The following SMOC1 variants were observed in gnomAD, a reference collection of about 807,000 sequenced individuals.
SMOC1 encodes the protein SPARC related modular calcium binding 1, also known as SPARC-related modular calcium-binding protein 1.
A neutral mutation model predicts 56.3 loss-of-function variants in SMOC1; 22 were observed. That is an observed-to-expected ratio of 0.39 (90% CI 0.28 to 0.56). The LOEUF is 0.56. SMOC1 is among the 20% of genes least tolerant of loss of function. SMOC1 has a pLI of 0.61. For missense variants in SMOC1, 509 were observed against 565.4 expected (o/e 0.90, Z 1.01); for synonymous variants, 193 against 215.0 (o/e 0.90, Z 0.89).
Position 70,030,252 on chromosome 14 carries a change from C to G in SMOC1, c.1302C>G (p.Leu434=). The G allele has an allele frequency of 6.2e-7, 1 of 1,609,964 alleles. No homozygotes were observed. The highest frequency in any genetic ancestry group is 8.5e-7 in the Non-Finnish European group (1 of 1,179,302). The change falls in exon 12 of 12, where the codon CTC becomes CTG. Residue 434 remains leucine (L), a synonymous_variant. Coordinates refer to ENST00000361956, the MANE Select transcript of SMOC1 (RefSeq NM_001034852.3). ...CCTTCCTTCTCTCAGTAGGACGCCTCGTCTAAGGAGCAGAAAACCCAAGGG... is the reference window on the plus strand; with the variant it reads ...CCTTCCTTCTCTCAGTAGGACGCCTGGTCTAAGGAGCAGAAAACCCAAGGG... ...CLGVSKEVGR[L]V is the part of the protein sequence containing the mutation.
At chr14:69,979,655 A>G (rs1884102083) in intron 5 of SMOC1, among the ~76,000 whole-genome samples, 1 of 152,026 alleles carries the variant, frequency 6.6e-6, no homozygotes, top group African/African-American at 2.4e-5. Flanking sequence ...TTTAGAGACA[A>G]GATCTCACTA....
intron 5 of SMOC1, among the ~76,000 whole-genome samples, chr14:69,979,745 A>G (rs923516086): frequency 1.3e-5 from 2 of 152,278 alleles, no homozygotes; most frequent in South Asian, 4.1e-4. Flanking sequence ...GACTACAGGC[A>G]TGCACTGCTT....
intron 3 of SMOC1, among the ~76,000 whole-genome samples, chr14:69,971,774 C>T (rs931054096): frequency 6.6e-6 from 1 of 152,200 alleles, no homozygotes; most frequent in African/African-American, 2.4e-5. Context: ...CTGCAAGAAA[C>T]GTTTCTCTCC....
intron 6 of SMOC1, 25 bp downstream of exon 6, chr14:69,992,498 G>A (rs1418435822): frequency 1.3e-6 from 2 of 1,546,888 alleles, no homozygotes; most frequent in Non-Finnish European, 1.8e-6. Context: ...TACTTCTGAT[G>A]TTCATTCTCC....
At chr14:69,959,345 C>A (rs1883291563) in intron 3 of SMOC1, among the ~76,000 whole-genome samples, 1 of 152,206 alleles carries the variant, frequency 6.6e-6, no homozygotes, top group Non-Finnish European at 1.5e-5. Flanking sequence ...TTGATGCATA[C>A]TACCACGTCG....
In SMOC1 at chr14:69,892,020, T is replaced by C. The variant is rs146836826; in HGVS notation, c.99+12243T>C. 4.2e-3 allele frequency among the ~76,000 whole-genome samples: 633 copies of C among 152,322 alleles called. 3 individuals are homozygous for C. The highest frequency in any genetic ancestry group is 0.014 in the African/African-American group (602 of 41,564). On this transcript the variant is annotated intron_variant, in intron 1 of 11. Coordinates refer to ENST00000361956, the MANE Select transcript of SMOC1 (RefSeq NM_001034852.3). ...GATGGTAAGTTTTTAAAAAAAATAC[T>C]GAAGATATTAATCTGTTTTTCTGTC... is the stretch of plus-strand genomic sequence containing the variant.
chr14:69,975,279 G>C (rs918150372), intron 3 of SMOC1, among the ~76,000 whole-genome samples: 1 of 152,050 alleles, frequency 6.6e-6, no homozygotes, highest in African/African-American at 2.4e-5. Context: ...GGAGGCAGAG[G>C]GTGCAGTGAG....
chr14:69,889,612 T>C (rs1883907523), intron 1 of SMOC1, among the ~76,000 whole-genome samples: 1 of 152,244 alleles, frequency 6.6e-6, no homozygotes, highest in South Asian at 2.1e-4. Context: ...AAATGGATGA[T>C]GTGCCTTGTA....
chr14:70,013,489 G>A lies in SMOC1; in HGVS notation c.1044G>A (p.Gly348=), dbSNP rs1885407102. 6.2e-7 allele frequency: 1 copy of A among 1,614,048 alleles called. No homozygotes were observed. The change falls in exon 10 of 12, where the codon GGG becomes GGA. Residue 348 remains glycine (G), a splice_region_variant and synonymous_variant. Coordinates refer to ENST00000361956, the MANE Select transcript of SMOC1 (RefSeq NM_001034852.3). ...AINSAAPTGG[G]RFSEPDPSHT... ...ACTCAGCAGCGCCCACTGGAGGTGG[G>A]AGGTGAGATTGTGAGCAGGAATCAG...
chr14:69,947,979 C>T lies in SMOC1; in HGVS notation c.100-4159C>T, dbSNP rs190664490. On this transcript the variant is annotated intron_variant, in intron 1 of 11. Transcript: ENST00000361956. ...CTCCATGGTGTCCTGTTAACATGCTCCTTGTCTCCACCCTAAATGGTAATC... is the reference window on the plus strand; with the variant it reads ...CTCCATGGTGTCCTGTTAACATGCTTCTTGTCTCCACCCTAAATGGTAATC... Among the ~76,000 whole-genome samples, 629 of 152,304 alleles carry T rather than the reference C, an allele frequency of 4.1e-3. 8 individuals carry two copies. The highest frequency in any genetic ancestry group is 0.014 in the African/African-American group (599 of 41,566).
At chr14:69,991,355 G>T (rs1379551387) in intron 5 of SMOC1, among the ~76,000 whole-genome samples, 1 of 152,072 alleles carries the variant, frequency 6.6e-6, no homozygotes, top group East Asian at 1.9e-4. Flanking sequence ...TTATTTCTTA[G>T]GGGATGAAAA....
intron 1 of SMOC1, among the ~76,000 whole-genome samples, chr14:69,938,085 T>A (rs767800962): frequency 6.6e-6 from 1 of 152,182 alleles, no homozygotes; most frequent in South Asian, 2.1e-4. Context: ...ACTGTGTAAG[T>A]GGAAATGAAG....
intron 1 of SMOC1, among the ~76,000 whole-genome samples, chr14:69,949,588 A>G (rs1594818400): frequency 6.6e-6 from 1 of 152,210 alleles, no homozygotes; most frequent in East Asian, 1.9e-4. Flanking sequence ...CTCACCTGGG[A>G]GAGTCAGGGA....
intron 10 of SMOC1, among the ~76,000 whole-genome samples, chr14:70,018,820 C>T (rs1885611121): frequency 6.6e-6 from 1 of 152,208 alleles, no homozygotes; most frequent in Non-Finnish European, 1.5e-5. Context: ...AGTGTGGTTG[C>T]CTGTTGATGG....
chr14:69,893,248 A>G (rs1884012294), intron 1 of SMOC1, among the ~76,000 whole-genome samples: 1 of 152,226 alleles, frequency 6.6e-6, no homozygotes, highest in Admixed American at 6.5e-5. Flanking sequence ...TGATGTTAGC[A>G]CCCATTGATG....
At position 70,030,799 on chromosome 14, in the gene SMOC1, A is replaced by G. The variant is rs1205362510; in HGVS notation, c.*541A>G. ...TGTGTATAAAGACGGGAGTCCTGCA[A>G]TTGTACTGCGGACTCCACGAGTTCT... On this transcript the variant is annotated 3_prime_UTR_variant, in exon 12 of 12. Transcript: ENST00000361956. 2 of 153,224 alleles carry G rather than the reference A, an allele frequency of 1.3e-5. No individual in the cohort carries two copies. The highest frequency in any genetic ancestry group is 4.8e-5 in the African/African-American group (2 of 41,402). The allele number at this position is 153,224 out of a possible 1,614,324, so 9.5% of individuals were successfully genotyped here.
intron 1 of SMOC1, among the ~76,000 whole-genome samples, chr14:69,937,689 C>T (rs1027780741): frequency 1.3e-5 from 2 of 152,190 alleles, no homozygotes; most frequent in Admixed American, 6.5e-5. Flanking sequence ...CAGTCCCACA[C>T]GGGCCAAGCT....
intron 1 of SMOC1, among the ~76,000 whole-genome samples, chr14:69,915,512 T>G (rs1195138577): frequency 6.6e-6 from 1 of 152,214 alleles, no homozygotes; most frequent in Non-Finnish European, 1.5e-5. Context: ...AATTTCTACC[T>G]TGTCACCTTT....
intron 10 of SMOC1, among the ~76,000 whole-genome samples, chr14:70,017,841 C>G (rs1482178566): frequency 6.6e-6 from 1 of 152,022 alleles, no homozygotes; most frequent in Non-Finnish European, 1.5e-5. Flanking sequence ...TTGCAGGGAC[C>G]CTGGGGAGCC....
Sources: allele counts gnomAD v4.1 joint callset (sites outside exome capture counted in the v4.1 genomes callset), GRCh38; gene constraint gnomAD v4.1.1; transcripts MANE v1.5; gene names NCBI Gene and HGNC (gene_info 2026-07-23, HGNC 2026-07-21).